STYX: variants seen among roughly 807,000 people sequenced by gnomAD.
The protein encoded by STYX is serine/threonine/tyrosine-interacting protein.
A neutral mutation model predicts 42.7 loss-of-function variants in STYX; 20 were observed. The ratio of observed to expected loss-of-function variants is 0.47; its 90% CI spans 0.33 to 0.68. STYX has a LOEUF of 0.68. STYX is among the 30% of genes least tolerant of loss of function. The pLI is 0.02. For synonymous variants in STYX, 78 were observed against 81.9 expected (o/e 0.95, Z 0.26); for missense variants, 226 against 268.5 (o/e 0.84, Z 1.11).
intron 1 of STYX, 115 bp from the exon 2 acceptor site, chr14:52,744,737 C>A: frequency 1.1e-6 from 1 of 919,566 alleles, no homozygotes; most frequent in Non-Finnish European, 1.7e-6. Context: ...ATAAAATGTT[C>A]TTAAAGTATA....
intron 1 of STYX, among the ~76,000 whole-genome samples, chr14:52,738,917 G>A (rs1881070887): frequency 6.6e-6 from 1 of 151,180 alleles, no homozygotes; most frequent in African/African-American, 2.4e-5. Flanking sequence ...CTTCTAAATT[G>A]CCTGTATACC....
intron 4 of STYX, among the ~76,000 whole-genome samples, chr14:52,756,158 A>C (rs534100623): frequency 1.2e-4 from 18 of 152,194 alleles, no homozygotes; most frequent in Non-Finnish European, 2.4e-4. Context: ...TGGGACTATA[A>C]GTGCACACCA....
At chr14:52,765,391 A>G (rs535724507) in intron 9 of STYX, among the ~76,000 whole-genome samples, 1 of 152,004 alleles carries the variant, frequency 6.6e-6, no homozygotes, top group Non-Finnish European at 1.5e-5. Flanking sequence ...CTAATTTTAT[A>G]TTTTTAGAAG....
At chr14:52,735,038 CAG>C (rs1880893505) in intron 1 of STYX, among the ~76,000 whole-genome samples, 1 of 150,372 alleles carries the variant, frequency 6.7e-6, no homozygotes, top group South Asian at 2.1e-4. Context: ...GCCTGGGAGA[CAG>C]AGCGAGACTC....
At chr14:52,743,264 A>G (rs1321966627) in intron 1 of STYX, among the ~76,000 whole-genome samples, 1 of 151,780 alleles carries the variant, frequency 6.6e-6, no homozygotes, top group Non-Finnish European at 1.5e-5. Context: ...ATAGATGTAT[A>G]CTATTTCTAC....
intron 4 of STYX, among the ~76,000 whole-genome samples, chr14:52,753,192 G>A (rs1416908449): frequency 6.6e-6 from 1 of 151,506 alleles, no homozygotes; most frequent in Non-Finnish European, 1.5e-5. Flanking sequence ...TGAGATTACA[G>A]GTGCCCACCA....
At chr14:52,770,940 A>T in intron 10 of STYX, 93 bp from the exon 11 acceptor site, 1 of 1,103,994 alleles carries the variant, frequency 9.1e-7, no homozygotes, top group Non-Finnish European at 1.3e-6. Flanking sequence ...CATAGTGTAT[A>T]CATGATCACT....
chr14:52,761,475 T>C (rs1027305683), intron 9 of STYX, among the ~76,000 whole-genome samples: 6 of 151,452 alleles, frequency 4.0e-5, no homozygotes, highest in Non-Finnish European at 5.9e-5. Flanking sequence ...AAAGATGAAG[T>C]AATAATAAAC....
At chr14:52,733,976 A>G (rs1880839844) in intron 1 of STYX, among the ~76,000 whole-genome samples, 1 of 152,134 alleles carries the variant, frequency 6.6e-6, no homozygotes, top group African/African-American at 2.4e-5. Context: ...TGGCCATTCC[A>G]TGCTCACCTC....
chr14:52,731,045 T>C, intron 1 of STYX, among the ~76,000 whole-genome samples: 1 of 152,222 alleles, frequency 6.6e-6, no homozygotes, highest in East Asian at 1.9e-4. Context: ...CTCATCTTAA[T>C]CTGAGAACTC....
At chr14:52,733,725 C>T (rs1255836865) in intron 1 of STYX, among the ~76,000 whole-genome samples, 1 of 152,176 alleles carries the variant, frequency 6.6e-6, no homozygotes, top group Non-Finnish European at 1.5e-5. Flanking sequence ...GGCACACCAC[C>T]ATCCCAGTGT....
chr14:52,773,201 T>A lies in STYX; in HGVS notation c.*2095T>A, dbSNP rs1188035076. ...ATTTGTAGCTGGTAATTTTCCACAT[T>A]TTCTATCCACTGTAATTTTTATGTT... On this transcript the variant is annotated 3_prime_UTR_variant, in exon 11 of 11. Coordinates refer to ENST00000354586, the MANE Select transcript of STYX (RefSeq NM_145251.4). 6.6e-6 allele frequency: 1 copy of A among 152,102 alleles called. No homozygotes were observed. The highest frequency in any genetic ancestry group is 1.9e-4 in the East Asian group (1 of 5,204). 9.4% of individuals were successfully genotyped at this position (152,102 alleles called of 1,614,324 possible).
Position 52,771,318 on chromosome 14 carries a change from AACACATGCGCGCGCACAC to A in STYX, c.*221_*238del, listed in dbSNP as rs1446559854. 1 of 476,722 alleles carries A rather than the reference AACACATGCGCGCGCACAC, an allele frequency of 2.1e-6. No individual in the cohort carries two copies. The highest frequency in any genetic ancestry group is 2.0e-5 in the African/African-American group (1 of 51,184). 29.5% of individuals were successfully genotyped at this position (476,722 alleles called of 1,614,324 possible). On this transcript the variant is annotated 3_prime_UTR_variant, in exon 11 of 11. Transcript: ENST00000354586. The stretch of plus-strand genomic sequence containing the variant: ...TGATGGTTTTACTCCTTTTTTTAAA[AACACATGCGCGCGCACAC>A]ACACATGCTTTACAAGTTTTATTAT...
At chr14:52,732,250 G>A (rs911136902) in intron 1 of STYX, among the ~76,000 whole-genome samples, 10 of 144,868 alleles carry the variant, frequency 6.9e-5, no homozygotes, top group South Asian at 2.2e-4. Context: ...TTACAGGCGC[G>A]CACCGCCAGG....
intron 3 of STYX, among the ~76,000 whole-genome samples, chr14:52,748,638 T>A (rs944589647): frequency 6.6e-6 from 1 of 152,192 alleles, no homozygotes; most frequent in Non-Finnish European, 1.5e-5. Context: ...AAGTACAAAA[T>A]CTATTCGCTG....
At chr14:52,762,972 A>T (rs1882159651) in intron 9 of STYX, among the ~76,000 whole-genome samples, 1 of 136,042 alleles carries the variant, frequency 7.4e-6, no homozygotes, top group African/African-American at 2.8e-5. Flanking sequence ...AACTCACTGC[A>T]ACCTCTGCCA....
At chr14:52,736,965 A>AT (rs1322144030) in intron 1 of STYX, among the ~76,000 whole-genome samples, 2 of 151,974 alleles carry the variant, frequency 1.3e-5, no homozygotes, top group Admixed American at 6.6e-5. Context: ...GGATTTACCT[A>AT]TTTTTTCTAG....
At chr14:52,748,245 G>C (rs1243452855) in intron 3 of STYX, among the ~76,000 whole-genome samples, 1 of 152,066 alleles carries the variant, frequency 6.6e-6, no homozygotes, top group African/African-American at 2.4e-5. Flanking sequence ...TTGTGGGAGA[G>C]GAGTGGGGTC....
chr14:52,772,516 G>C lies in STYX; in HGVS notation c.*1410G>C, dbSNP rs1157817672. 3 of 152,646 alleles carry C rather than the reference G, an allele frequency of 2.0e-5. No individual in the cohort carries two copies. Among genetic ancestry groups the C allele is most frequent in the Non-Finnish European group, 4.4e-5 (3 of 67,978 alleles). 9.5% of individuals were successfully genotyped at this position (152,646 alleles called of 1,614,324 possible). ...GGAGTGTTTTTAACTTTTTATAGTT[G>C]ATGACTTTAGGGTAGCACAAACAAA... is the stretch of plus-strand genomic sequence containing the variant. On this transcript the variant is annotated 3_prime_UTR_variant, in exon 11 of 11. Transcript: ENST00000354586.
Sources: gnomAD v4.1 joint callset for allele counts (sites outside exome capture counted in the v4.1 genomes callset) on GRCh38, gnomAD v4.1.1 for gene constraint, MANE v1.5 for transcripts, NCBI Gene and HGNC (gene_info 2026-07-23, HGNC 2026-07-21) for gene names.